The following HS6ST2 variants were observed in gnomAD, a reference collection of about 807,000 sequenced individuals.
HS6ST2 encodes heparan-sulfate 6-O-sulfotransferase 2.
HS6ST2 carries 17 observed loss-of-function variants against 33.0 expected under a neutral mutation model. That is an observed-to-expected ratio of 0.52 (90% CI 0.35 to 0.77). The LOEUF (loss-of-function observed/expected upper bound fraction) is 0.77. Ranked by LOEUF, HS6ST2 falls within the 30% of genes least tolerant of loss-of-function variation. The pLI is 0.01. For missense variants in HS6ST2, 519 were observed against 551.7 expected, an observed-to-expected ratio of 0.94 and a Z score of 0.59; for synonymous variants, 248 against 237.1, an observed-to-expected ratio of 1.05 and a Z score of -0.42.
At chrX:132,751,586 C>A (rs1046386976) in intron 2 of HS6ST2, among the ~76,000 whole-genome samples, 3 of 111,997 alleles carry the variant, frequency 2.7e-5, no homozygotes, top group Non-Finnish European at 5.6e-5. Flanking sequence ...TTCTGGAAAC[C>A]CTTTCTTGAC....
intron 2 of HS6ST2, among the ~76,000 whole-genome samples, chrX:132,855,594 G>A: frequency 9.0e-6 from 1 of 111,606 alleles, no homozygotes; most frequent in East Asian, 2.8e-4. Context: ...ACTGGAGAAG[G>A]GATGATGTAT....
intron 2 of HS6ST2, among the ~76,000 whole-genome samples, chrX:132,790,869 T>G (rs1346075592): frequency 1.2e-4 from 13 of 112,098 alleles, no homozygotes. Context: ...AGGCTGGGTG[T>G]GGTGGCTCAG....
At chrX:132,778,374 GTTGTTTTGTT>G (rs202015293) in intron 2 of HS6ST2, among the ~76,000 whole-genome samples, 4 of 111,267 alleles carry the variant, frequency 3.6e-5, no homozygotes, top group Middle Eastern at 4.6e-3. Context: ...AGCAAAAAAC[GTTGTTTTGTT>G]TTGTTTTGTT....
intron 2 of HS6ST2, among the ~76,000 whole-genome samples, chrX:132,867,170 T>C (rs1186494936): frequency 1.3e-4 from 14 of 105,896 alleles, no homozygotes; most frequent in African/African-American, 4.9e-4. Flanking sequence ...ACCTAATTTA[T>C]TGAGAGTTTT....
chrX:132,895,998 G>T (rs1788511849), intron 2 of HS6ST2, among the ~76,000 whole-genome samples: 1 of 111,098 alleles, frequency 9.0e-6, no homozygotes, highest in Non-Finnish European at 1.9e-5. Context: ...TTTATGTTAA[G>T]TGAATTAATC....
At chrX:132,721,548 G>A (rs192284101) in intron 2 of HS6ST2, among the ~76,000 whole-genome samples, 2 of 112,208 alleles carry the variant, frequency 1.8e-5, no homozygotes, top group African/African-American at 6.5e-5. Flanking sequence ...GCTTTCATTA[G>A]ATTCTGCTTA....
At chrX:132,672,796 C>T (rs899523612) in intron 3 of HS6ST2, among the ~76,000 whole-genome samples, 2 of 112,420 alleles carry the variant, frequency 1.8e-5, no homozygotes, top group African/African-American at 6.5e-5. Context: ...AACTCTTCAG[C>T]ATTTTCAGTG....
At chrX:132,825,384 C>T (rs1377560308) in intron 2 of HS6ST2, among the ~76,000 whole-genome samples, 1 of 111,599 alleles carries the variant, frequency 9.0e-6, no homozygotes, top group East Asian at 2.8e-4. Context: ...GCAGAGAATC[C>T]TTGGCCTGGA....
chrX:132,908,898 A>C (rs2066502187), intron 2 of HS6ST2, among the ~76,000 whole-genome samples: 2 of 108,181 alleles, frequency 1.8e-5, no homozygotes, highest in South Asian at 8.4e-4. Context: ...TCAAAAAAGT[A>C]GCTGACTTAT....
chrX:132,875,425 G>C (rs2066100947), intron 2 of HS6ST2, among the ~76,000 whole-genome samples: 1 of 111,019 alleles, frequency 9.0e-6, no homozygotes, highest in Non-Finnish European at 1.9e-5. Context: ...CTGCTGGATG[G>C]GTAGTGAACA....
chrX:132,846,626 G>A (rs753733208), intron 2 of HS6ST2, among the ~76,000 whole-genome samples: 1 of 111,777 alleles, frequency 8.9e-6, no homozygotes, highest in South Asian at 3.8e-4. Context: ...AATATCACTG[G>A]AACAGTGCTA....
At chrX:132,762,079 A>T (rs2064809012) in intron 2 of HS6ST2, among the ~76,000 whole-genome samples, 1 of 112,250 alleles carries the variant, frequency 8.9e-6, no homozygotes, top group South Asian at 3.7e-4. Context: ...ATAATTCATC[A>T]TTATTATTCA....
At chrX:132,873,858 G>A (rs1486396480) in intron 2 of HS6ST2, among the ~76,000 whole-genome samples, 1 of 110,962 alleles carries the variant, frequency 9.0e-6, no homozygotes, top group African/African-American at 3.3e-5. Context: ...CCTGGACCTC[G>A]GGTGAAATTG....
chrX:132,878,185 G>GA (rs1276848185), intron 2 of HS6ST2, among the ~76,000 whole-genome samples: 1 of 111,866 alleles, frequency 8.9e-6, no homozygotes, highest in Non-Finnish European at 1.9e-5. Context: ...TTTATTAAGT[G>GA]AAAAGAAAGC....
chrX:132,825,989 C>T (rs886826101), intron 2 of HS6ST2, among the ~76,000 whole-genome samples: 2 of 112,536 alleles, frequency 1.8e-5, no homozygotes, highest in Non-Finnish European at 3.7e-5. Flanking sequence ...CCCTGTCCTC[C>T]ATGACCATCT....
intron 4 of HS6ST2, among the ~76,000 whole-genome samples, chrX:132,666,335 T>G (rs927687119): frequency 1.8e-5 from 2 of 111,879 alleles, no homozygotes; most frequent in Non-Finnish European, 3.8e-5. Context: ...TGTGAACTGC[T>G]TGGGGGCACC....
At chrX:132,896,549 T>C (rs1160656667) in intron 2 of HS6ST2, among the ~76,000 whole-genome samples, 1 of 110,836 alleles carries the variant, frequency 9.0e-6, no homozygotes, top group Non-Finnish European at 1.9e-5. Flanking sequence ...ATAACTTAAA[T>C]GCACATTATA....
In HS6ST2 at chrX:132,956,874, G is replaced by A; in HGVS notation, c.881C>T (p.Thr294Ile). The part of the protein sequence containing the change: ...GWSCGLHADW[T>I]ELTSCVPSVV... Reference sequence around the variant, plus strand: ...GGAGGGCACACAGCTGGTGAGCTCGGTCCAGTCGGCGTGCAACCCGCAGCT... The same window carrying A: ...GGAGGGCACACAGCTGGTGAGCTCGATCCAGTCGGCGTGCAACCCGCAGCT... Residue 294 changes from threonine to isoleucine, a missense_variant, in exon 2 of 5, where the codon ACC becomes ATC. Coordinates refer to ENST00000370833, the MANE Select transcript of HS6ST2 (RefSeq NM_001394073.1). The A allele has an allele frequency of 1.7e-6, 2 of 1,188,946 alleles. No individual in the cohort carries two copies. The highest frequency in any genetic ancestry group is 2.3e-6 in the Non-Finnish European group (2 of 883,874).
chrX:132,922,269 T>G (rs182313686), intron 2 of HS6ST2, among the ~76,000 whole-genome samples: 1 of 111,104 alleles, frequency 9.0e-6, no homozygotes, highest in African/African-American at 3.3e-5. Context: ...ATTAGCCAGG[T>G]GTGGTGGCGG....
Sources: gnomAD v4.1 joint callset for allele counts (sites outside exome capture counted in the v4.1 genomes callset) on GRCh38, gnomAD v4.1.1 for gene constraint, MANE v1.5 for transcripts, NCBI Gene and HGNC (gene_info 2026-07-23, HGNC 2026-07-21) for gene names.